UBAP1: variants seen among roughly 807,000 people sequenced by gnomAD.
The protein encoded by UBAP1 is ubiquitin-associated protein 1.
Under a neutral mutation model 39.0 loss-of-function variants are expected in UBAP1, and 5 were observed. That is an observed-to-expected ratio of 0.13 (90% CI 0.07 to 0.27). The LOEUF is 0.27. Ranked by LOEUF, UBAP1 falls within the 10% of genes least tolerant of loss-of-function variation. The probability of loss-of-function intolerance (pLI) is 1.00; values close to 1 mark genes in which losing one functional copy is unlikely to be tolerated. For missense variants in UBAP1, 490 were observed against 608.1 expected (o/e 0.81, Z 2.04); for synonymous variants, 211 against 225.1 (o/e 0.94, Z 0.56).
intron 1 of UBAP1, among the ~76,000 whole-genome samples, chr9:34,200,254 C>T (rs977226051): frequency 1.2e-4 from 19 of 152,060 alleles, no homozygotes; most frequent in Non-Finnish European, 2.8e-4. Flanking sequence ...GATTAAAGTC[C>T]CACATTGATT....
rs756365178 is a variant in UBAP1 at position 34,242,025 on chromosome 9, G to A, written c.1000G>A (p.Ala334Thr). The A allele has an allele frequency of 9.3e-6, 15 of 1,614,072 alleles. No homozygotes were observed. Among genetic ancestry groups the A allele is most frequent in the Non-Finnish European group, 1.7e-6 (2 of 1,180,032 alleles). ...CTTGGACAGTGGCACAGAGATGCCAGCCCTGACATCCTCCCAGATGCCTTC... is the reference window on the plus strand; with the variant it reads ...CTTGGACAGTGGCACAGAGATGCCAACCCTGACATCCTCCCAGATGCCTTC... The part of the protein sequence containing the change: ...LNLDSGTEMP[A>T]LTSSQMPSLS... The change falls in exon 4 of 7, where the codon GCC (alanine) becomes ACC (threonine). Residue 334 changes from alanine to threonine, a missense_variant. Physicochemically the swap from Ala to Thr is moderately conservative, Grantham distance 58. Coordinates refer to ENST00000297661, the MANE Select transcript of UBAP1 (RefSeq NM_016525.5).
chr9:34,208,693 G>A (rs1316819231), intron 1 of UBAP1, among the ~76,000 whole-genome samples: 1 of 151,316 alleles, frequency 6.6e-6, no homozygotes, highest in African/African-American at 2.4e-5. Context: ...CAGGTCAATG[G>A]CGTGAACCTG....
Position 34,249,964 on chromosome 9 carries a change from G to A in UBAP1, c.1266+3G>A, listed in dbSNP as rs770520979. 10 of 1,613,800 alleles carry A rather than the reference G, an allele frequency of 6.2e-6. No individual in the cohort carries two copies. The highest frequency in any genetic ancestry group is 8.5e-6 in the Non-Finnish European group (10 of 1,179,952). ...AGAAAGGAGAGAATATTGAGCAGGT[G>A]AGCGGTTGGTCAGCCAGGAGGGCAG... On this transcript the variant is annotated splice_donor_region_variant and intron_variant, in intron 5 of 6. Transcript: ENST00000297661.
chr9:34,234,516 C>A (rs375496737), intron 3 of UBAP1, among the ~76,000 whole-genome samples, 176 bp downstream of exon 3: 120 of 152,272 alleles, frequency 7.9e-4, no homozygotes, highest in African/African-American at 2.8e-3. Context: ...CGTGGTGGCT[C>A]ACGCCTGTAA....
At chr9:34,247,797 C>T (rs969343580) in intron 4 of UBAP1, among the ~76,000 whole-genome samples, 1 of 152,132 alleles carries the variant, frequency 6.6e-6, no homozygotes, top group African/African-American at 2.4e-5. Context: ...ACACCCTGTG[C>T]TGGATATTTG....
intron 4 of UBAP1, among the ~76,000 whole-genome samples, chr9:34,248,670 A>C (rs1420320497): frequency 6.6e-6 from 1 of 152,108 alleles, no homozygotes; most frequent in East Asian, 1.9e-4. Flanking sequence ...TGAGATGGTT[A>C]AGCACCAACA....
chr9:34,250,710 C>A lies in UBAP1; in HGVS notation c.1319C>A (p.Pro440His). Residue 440 changes from proline (P) to histidine (H), a missense_variant, in exon 6 of 7, where the codon CCT becomes CAT. Physicochemically the swap from Pro to His is moderately conservative, Grantham distance 77. Coordinates refer to ENST00000297661, the MANE Select transcript of UBAP1 (RefSeq NM_016525.5). ...HGQLCEKGFD[P>H]LLVEEALEMH... ...CAGCTTTGTGAGAAGGGCTTCGACC[C>A]TCTTTTAGTGGAAGAGGCTCTGGAA... 6.2e-7 allele frequency: 1 copy of A among 1,613,746 alleles called. No homozygotes were observed. Among genetic ancestry groups the A allele is most frequent in the Non-Finnish European group, 8.5e-7 (1 of 1,179,738 alleles).
chr9:34,187,153 C>T (rs1000069003), intron 1 of UBAP1, among the ~76,000 whole-genome samples: 6 of 152,162 alleles, frequency 3.9e-5, no homozygotes, highest in Non-Finnish European at 7.3e-5. Flanking sequence ...GGTGATCCAC[C>T]CGCCTGGGCC....
At chr9:34,185,976 A>G (rs190160350) in intron 1 of UBAP1, among the ~76,000 whole-genome samples, 1 of 152,348 alleles carries the variant, frequency 6.6e-6, no homozygotes, top group East Asian at 1.9e-4. Flanking sequence ...AACTAAGGTT[A>G]CAACTAGGTA....
rs1325178598 is a variant in UBAP1 at position 34,241,981 on chromosome 9, T to C, written c.956T>C (p.Leu319Pro). 2 of 1,614,082 alleles carry C rather than the reference T, an allele frequency of 1.2e-6. No homozygotes were observed. The highest frequency in any genetic ancestry group is 1.7e-6 in the Non-Finnish European group (2 of 1,180,054). Residue 319 changes from leucine to proline, a missense_variant, in exon 4 of 7, where the codon CTT (leucine) becomes CCT (proline). Coordinates refer to ENST00000297661, the MANE Select transcript of UBAP1 (RefSeq NM_016525.5). ...SASELNGHHTLGLSALNLDSG... is the reference protein window; with the variant it reads ...SASELNGHHTPGLSALNLDSG... The stretch of plus-strand genomic sequence containing the variant: ...AGTGAGCTCAATGGGCATCACACTC[T>C]TGGGCTTTCAGCTTTGAACTTGGAC...
At chr9:34,215,482 A>G (rs12378781) in intron 1 of UBAP1, among the ~76,000 whole-genome samples, 1 of 149,260 alleles carries the variant, frequency 6.7e-6, no homozygotes, top group Non-Finnish European at 1.5e-5. Context: ...AAGCTAAGCT[A>G]TGAGGACGCA....
intron 1 of UBAP1, among the ~76,000 whole-genome samples, chr9:34,187,730 G>T (rs992419004): frequency 6.6e-6 from 1 of 150,896 alleles, no homozygotes; most frequent in Non-Finnish European, 1.5e-5. Flanking sequence ...AACTCTGTCC[G>T]GTTCCTTGGA....
rs896113786 is a variant in UBAP1 at position 34,179,072 on chromosome 9, G to A, written c.-176G>A. On this transcript the variant is annotated 5_prime_UTR_variant, in exon 1 of 7. Coordinates refer to ENST00000297661, the MANE Select transcript of UBAP1 (RefSeq NM_016525.5). Reference sequence around the variant, plus strand: ...AGTAGGACTTCAACATGGCGGCTGCGGCACTGGCGGTGGCTACGGTGACGG... The same window carrying A: ...AGTAGGACTTCAACATGGCGGCTGCAGCACTGGCGGTGGCTACGGTGACGG... 4.6e-5 allele frequency: 59 copies of A among 1,276,938 alleles called. No individual in the cohort carries two copies. The Middle Eastern group carries it at 6.1e-4, about 13-fold the overall frequency. 79.1% of individuals were successfully genotyped at this position (1,276,938 alleles called of 1,614,324 possible).
At chr9:34,187,258 A>G (rs1294630321) in intron 1 of UBAP1, among the ~76,000 whole-genome samples, 1 of 152,212 alleles carries the variant, frequency 6.6e-6, no homozygotes. Context: ...GCTGCCAGGC[A>G]TGTTGTTTTA....
At chr9:34,221,527 TAAA>T (rs34279455) in intron 2 of UBAP1, among the ~76,000 whole-genome samples, 27 of 131,374 alleles carry the variant, frequency 2.1e-4, no homozygotes, top group East Asian at 4.5e-4. Flanking sequence ...GAGACTCCAT[TAAA>T]AAAAAAAAAA....
At chr9:34,208,833 A>G (rs1035049376) in intron 1 of UBAP1, among the ~76,000 whole-genome samples, 44 of 150,476 alleles carry the variant, frequency 2.9e-4, no homozygotes, top group African/African-American at 1.0e-3. Context: ...AATCCCAGCT[A>G]CTCGGGAGGC....
upstream of UBAP1, chr9:34,179,037 G>C (rs1444227820): frequency 3.2e-6 from 4 of 1,262,596 alleles, no homozygotes; most frequent in Non-Finnish European, 4.0e-6. Flanking sequence ...GTGAGGGGAA[G>C]GAGGAGGGAA....
At chr9:34,180,402 G>C (rs1829950983) in intron 1 of UBAP1, among the ~76,000 whole-genome samples, 1 of 152,034 alleles carries the variant, frequency 6.6e-6, no homozygotes, top group African/African-American at 2.4e-5. Flanking sequence ...CAGCTACTCG[G>C]GTGGCCGAGG....
chr9:34,250,107 C>G (rs534205203), intron 5 of UBAP1, 146 bp downstream of exon 5: 3 of 826,232 alleles, frequency 3.6e-6, no homozygotes, highest in Non-Finnish European at 3.7e-6. Context: ...TGGGGAAAGC[C>G]AGCAGCCTTG....
Sources: gnomAD v4.1 joint callset for allele counts (sites outside exome capture counted in the v4.1 genomes callset) on GRCh38, gnomAD v4.1.1 for gene constraint, MANE v1.5 for transcripts, NCBI Gene and HGNC (gene_info 2026-07-23, HGNC 2026-07-21) for gene names.